The following USP40 variants were observed in gnomAD, a reference collection of about 807,000 sequenced individuals.
USP40 encodes ubiquitin specific peptidase 40.
A neutral mutation model predicts 166.2 loss-of-function variants in USP40; 143 were observed. That is an observed-to-expected ratio of 0.86 (90% CI 0.75 to 0.99). The LOEUF is 0.99. Among genes scored for constraint, USP40 ranks in the 50% least tolerant of loss-of-function variants. The probability of loss-of-function intolerance (pLI) is 0.00; values close to 1 mark genes in which losing one functional copy is unlikely to be tolerated. For missense variants in USP40, 1,444 were observed against 1,479.7 expected (o/e 0.98, Z 0.40); for synonymous variants, 498 against 524.0 (o/e 0.95, Z 0.68).
chr2:233,552,417 T>C (rs2070661526), intron 6 of USP40, among the ~76,000 whole-genome samples: 1 of 152,092 alleles, frequency 6.6e-6, no homozygotes, highest in African/African-American at 2.4e-5. Flanking sequence ...ATCCAATGCA[T>C]AGAATAGAAT....
At chr2:233,496,686 G>A in intron 24 of USP40, 72 bp downstream of exon 24, 1 of 1,301,946 alleles carries the variant, frequency 7.7e-7, no homozygotes, top group Non-Finnish European at 1.1e-6. Context: ...TTCCCTAAAT[G>A]AGGCTGTATC....
chr2:233,561,101 T>C (rs989333143), intron 3 of USP40: 2 of 1,530,630 alleles, frequency 1.3e-6, no homozygotes, highest in East Asian at 4.9e-5. Flanking sequence ...CTTAATTCCT[T>C]CTTTAAAAAA....
chr2:233,533,333 A>C (rs2068688921), intron 11 of USP40, 146 bp downstream of exon 11: 1 of 771,544 alleles, frequency 1.3e-6, no homozygotes. Flanking sequence ...TTCATTTGGC[A>C]TAATATAGTT....
At chr2:233,558,001 C>CAAAAA (rs71058563) in intron 4 of USP40, among the ~76,000 whole-genome samples, 3 of 51,348 alleles carry the variant, frequency 5.8e-5, no homozygotes, top group African/African-American at 1.7e-4. Context: ...GACCTCATCT[C>CAAAAA]AAAAAAAAAA....
intron 18 of USP40, among the ~76,000 whole-genome samples, chr2:233,515,047 C>T (rs2067091659): frequency 6.6e-6 from 1 of 152,190 alleles, no homozygotes; most frequent in Non-Finnish European, 1.5e-5. Context: ...GGCATAATGA[C>T]TTTGAGATGC....
chr2:233,520,890 T>A, intron 17 of USP40, 101 bp downstream of exon 17: 1 of 1,303,780 alleles, frequency 7.7e-7, no homozygotes, highest in Non-Finnish European at 1.0e-6. Context: ...AGAGCTGAAG[T>A]CTATTGAGAC....
intron 8 of USP40, chr2:233,542,584 G>C (rs1050893247): frequency 2.6e-6 from 1 of 389,918 alleles, no homozygotes. Flanking sequence ...AGGTTGAGGC[G>C]GGAGGACTGC....
chr2:233,488,730 A>T (rs2065111584), intron 27 of USP40, among the ~76,000 whole-genome samples: 2 of 152,180 alleles, frequency 1.3e-5, no homozygotes, highest in Non-Finnish European at 2.9e-5. Flanking sequence ...ACTGGGCAAC[A>T]TAGGGAGACC....
chr2:233,544,074 A>G (rs1205430801), intron 8 of USP40, among the ~76,000 whole-genome samples: 1 of 152,046 alleles, frequency 6.6e-6, no homozygotes, highest in Non-Finnish European at 1.5e-5. Flanking sequence ...TCAAACACCA[A>G]CTACATACGG....
chr2:233,513,940 C>T (rs1459081289), intron 18 of USP40, among the ~76,000 whole-genome samples: 1 of 152,192 alleles, frequency 6.6e-6, no homozygotes, highest in East Asian at 1.9e-4. Context: ...ACAGCAGAAT[C>T]CCTTTCTGAG....
intron 18 of USP40, among the ~76,000 whole-genome samples, chr2:233,516,249 CTT>C (rs1331842704): frequency 3.3e-5 from 5 of 152,144 alleles, no homozygotes; most frequent in Admixed American, 6.5e-5. Flanking sequence ...ACTTTGTTCT[CTT>C]GTTTTCAAAA....
chr2:233,506,463 G>T (rs1387548308), intron 21 of USP40, among the ~76,000 whole-genome samples: 1 of 152,054 alleles, frequency 6.6e-6, no homozygotes, highest in East Asian at 1.9e-4. Context: ...ATAAGCTTTG[G>T]TTGCCTCAAA....
chr2:233,481,795 G>C (rs1559209793), intron 30 of USP40, among the ~76,000 whole-genome samples: 1 of 152,246 alleles, frequency 6.6e-6, no homozygotes, highest in Non-Finnish European at 1.5e-5. Context: ...AACACAGGCT[G>C]CTCCCTGCAT....
At chr2:233,484,676 T>A (rs2064834915) in intron 30 of USP40, among the ~76,000 whole-genome samples, 1 of 152,082 alleles carries the variant, frequency 6.6e-6, no homozygotes, top group Admixed American at 6.5e-5. Flanking sequence ...AGAGACCAGG[T>A]TTCACTATGT....
intron 15 of USP40, among the ~76,000 whole-genome samples, chr2:233,523,863 C>T (rs2067829144): frequency 6.6e-6 from 1 of 152,062 alleles, no homozygotes; most frequent in African/African-American, 2.4e-5. Context: ...TATAGATTCT[C>T]ACTCTTCTAA....
chr2:233,559,542 G>A (rs763452173), intron 4 of USP40, among the ~76,000 whole-genome samples: 3 of 152,078 alleles, frequency 2.0e-5, no homozygotes, highest in Non-Finnish European at 4.4e-5. Flanking sequence ...GACTCTTAGG[G>A]TAGAAATTGT....
rs2065475398 is a variant in USP40, at chr2:233,493,417, G to T, written c.2917+8C>A. The T allele has an allele frequency of 6.2e-7, 1 of 1,613,938 alleles. No individual in the cohort carries two copies. The highest frequency in any genetic ancestry group is 8.5e-7 in the Non-Finnish European group (1 of 1,179,868). ...GCACTGGCTGCTGAAATCCCATTCTGTTCTCACCTTGGCTGGAAGTGGCTC... is the reference window on the plus strand; with the variant it reads ...GCACTGGCTGCTGAAATCCCATTCTTTTCTCACCTTGGCTGGAAGTGGCTC... On this transcript the variant is annotated splice_region_variant and intron_variant, in intron 25 of 31. Transcript: ENST00000678225. This position sits in a 1 kb window ranked among gnomAD's most constrained non-coding sequence, Gnocchi z 4.7.
chr2:233,481,447 C>A, intron 30 of USP40, 150 bp from the exon 31 acceptor site: 4 of 709,920 alleles, frequency 5.6e-6, no homozygotes, highest in Non-Finnish European at 9.1e-6. Flanking sequence ...AAAAAATCCT[C>A]TTGCTCGATG....
intron 18 of USP40, chr2:233,519,381 T>A (rs1285393171): frequency 1.2e-5 from 5 of 421,312 alleles, no homozygotes; most frequent in Non-Finnish European, 1.7e-5. Flanking sequence ...ACTCATTGTA[T>A]CTGGGGAAGG....
Sources: gnomAD v4.1 joint callset for allele counts (sites outside exome capture counted in the v4.1 genomes callset) on GRCh38, gnomAD v4.1.1 for gene constraint, Gnocchi (gnomAD v3.1) non-coding constraint, MANE v1.5 for transcripts, NCBI Gene and HGNC (gene_info 2026-07-23, HGNC 2026-07-21) for gene names.